Variants in NXPE2 observed in about 807,000 individuals in gnomAD.
NXPE2 encodes neurexophilin and PC-esterase domain family member 2, also known as NXPE family member 2.
NXPE2 carries 34 observed loss-of-function variants against 34.4 expected under a neutral mutation model. That is an observed-to-expected ratio of 0.99 (90% CI 0.75 to 1.31). The LOEUF is 1.31. Among genes scored for constraint, NXPE2 ranks in the 40% most tolerant of loss-of-function variants. The pLI is 0.00. For missense variants in NXPE2, 649 were observed against 672.5 expected (o/e 0.97, Z 0.39); for synonymous variants, 235 against 231.3 (o/e 1.02, Z -0.15).
the NXPE2 span, among the ~76,000 whole-genome samples, chr11:114,754,320 T>A: frequency 2.0e-5 from 3 of 152,146 alleles, no homozygotes; most frequent in East Asian, 5.8e-4. Context: ...CCACCTGTGT[T>A]CCCTGCCTCT....
the NXPE2 span, among the ~76,000 whole-genome samples, chr11:114,527,507 G>A: frequency 1.3e-5 from 2 of 152,168 alleles, no homozygotes; most frequent in East Asian, 3.8e-4. Context: ...AGAGAGTTAG[G>A]AAACCAAAAC....
the NXPE2 span, among the ~76,000 whole-genome samples, chr11:114,638,480 C>G: frequency 1.3e-5 from 2 of 152,042 alleles, no homozygotes; most frequent in Non-Finnish European, 2.9e-5. Context: ...AAGTCATTCT[C>G]CGTCCAACTT....
the NXPE2 span, among the ~76,000 whole-genome samples, chr11:114,527,519 G>A: frequency 2.0e-5 from 3 of 152,122 alleles, no homozygotes; most frequent in South Asian, 2.1e-4. Context: ...AACCAAAACC[G>A]AAAGTGTTCC....
chr11:114,508,725 C>G, the NXPE2 span, among the ~76,000 whole-genome samples: 1 of 152,146 alleles, frequency 6.6e-6, no homozygotes, highest in Non-Finnish European at 1.5e-5. Context: ...TTCCTTACAC[C>G]TTATACGAAA....
chr11:114,693,849 T>C (rs1192470807), intron 2 of NXPE2, among the ~76,000 whole-genome samples: 1 of 152,234 alleles, frequency 6.6e-6, no homozygotes, highest in African/African-American at 2.4e-5. Context: ...ATATTGGTTT[T>C]CTATTGCTGC....
At chr11:114,805,602 G>C in the NXPE2 span, among the ~76,000 whole-genome samples, 1 of 152,252 alleles carries the variant, frequency 6.6e-6, no homozygotes, top group Admixed American at 6.5e-5. Context: ...TAGCACAGCA[G>C]TCTGAGATCA....
chr11:114,741,971 G>A, the NXPE2 span, among the ~76,000 whole-genome samples: 1 of 152,022 alleles, frequency 6.6e-6, no homozygotes, highest in Non-Finnish European at 1.5e-5. Flanking sequence ...AAAGACCTTT[G>A]CCAATCAGCC....
chr11:114,738,579 T>A, the NXPE2 span, among the ~76,000 whole-genome samples: 14 of 152,208 alleles, frequency 9.2e-5, no homozygotes, highest in African/African-American at 3.1e-4. Context: ...GATCCCAGAC[T>A]GTTTGCTCCA....
chr11:114,737,809 G>A, the NXPE2 span, among the ~76,000 whole-genome samples: 3 of 152,222 alleles, frequency 2.0e-5, no homozygotes, highest in African/African-American at 4.8e-5. Context: ...GAGGCTGGGC[G>A]CAGTGGCTCA....
At chr11:114,607,922 A>G in the NXPE2 span, among the ~76,000 whole-genome samples, 1 of 151,964 alleles carries the variant, frequency 6.6e-6, no homozygotes, top group African/African-American at 2.4e-5. Context: ...AATGGATAAT[A>G]AGTATTGCCT....
chr11:114,652,158 G>A, the NXPE2 span, among the ~76,000 whole-genome samples: 2 of 152,206 alleles, frequency 1.3e-5, no homozygotes, highest in Non-Finnish European at 2.9e-5. Flanking sequence ...GATTCAGGAT[G>A]GGTGAGAGAT....
the NXPE2 span, among the ~76,000 whole-genome samples, chr11:114,790,291 C>A: frequency 6.6e-6 from 1 of 152,176 alleles, no homozygotes; most frequent in Non-Finnish European, 1.5e-5. Context: ...TAGCATAGTT[C>A]CTAAATAAAC....
At chr11:114,788,031 G>C in the NXPE2 span, among the ~76,000 whole-genome samples, 1 of 152,188 alleles carries the variant, frequency 6.6e-6, no homozygotes, top group African/African-American at 2.4e-5. Flanking sequence ...TAAGGGGCTA[G>C]GCTCTTGTAT....
chr11:114,527,790 G>T, the NXPE2 span: 4 of 1,337,944 alleles, frequency 3.0e-6, no homozygotes, highest in Admixed American at 8.3e-5. Flanking sequence ...GGTTAATGCT[G>T]ATAAAAGTTT....
the NXPE2 span, among the ~76,000 whole-genome samples, chr11:114,768,465 GATGGGGATAGC>G: frequency 6.6e-6 from 1 of 152,182 alleles, no homozygotes; most frequent in Non-Finnish European, 1.5e-5. Flanking sequence ...ATGGTTGCTT[GATGGGGATAGC>G]ATTGAATCTA....
the NXPE2 span, among the ~76,000 whole-genome samples, chr11:114,635,158 TCTC>T: frequency 1.3e-5 from 2 of 150,750 alleles, no homozygotes; most frequent in Admixed American, 1.3e-4. Context: ...GGTTTGTAGT[TCTC>T]CTTGAAGAGT....
At chr11:114,707,979 T>C (rs1052710818), downstream of NXPE2, among the ~76,000 whole-genome samples, 20 of 152,246 alleles carry the variant, frequency 1.3e-4, no homozygotes, top group African/African-American at 4.8e-4. Flanking sequence ...TTTTGGCTAC[T>C]GTAAATAGTG....
the NXPE2 span, among the ~76,000 whole-genome samples, chr11:114,643,578 G>A: frequency 4.2e-4 from 64 of 152,012 alleles, 1 homozygote; most frequent in Non-Finnish European, 7.9e-4. Context: ...GATGTGTGGC[G>A]TTATTTCTGA....
the NXPE2 span, among the ~76,000 whole-genome samples, chr11:114,727,774 A>AACACACACACACACACACACAC: frequency 3.1e-5 from 4 of 127,582 alleles, no homozygotes; most frequent in South Asian, 2.6e-4. Context: ...ATGTGTACAC[A>AACACACACACACACACACACAC]ACACACACAC....
Sources: gnomAD v4.1 joint callset for allele counts (sites outside exome capture counted in the v4.1 genomes callset) on GRCh38, gnomAD v4.1.1 for gene constraint, MANE v1.5 for transcripts, NCBI Gene and HGNC (gene_info 2026-07-23, HGNC 2026-07-21) for gene names.